The following MSI2 variants were observed in gnomAD, a reference collection of about 807,000 sequenced individuals.
MSI2 encodes the protein musashi RNA binding protein 2, also known as RNA-binding protein Musashi homolog 2.
In MSI2, 17 loss-of-function variants were observed where a neutral mutation model predicts 45.6. The observed-to-expected ratio is 0.37, with a 90% CI of 0.26 to 0.56. The LOEUF is 0.56. MSI2 is among the 20% of genes least tolerant of loss of function. The pLI, the probability that MSI2 is intolerant of heterozygous loss-of-function variation, is 0.77. For synonymous variants in MSI2, 156 were observed against 158.2 expected, an observed-to-expected ratio of 0.99 and a Z score of 0.11; for missense variants, 293 against 444.2, an observed-to-expected ratio of 0.66 and a Z score of 3.06.
intron 7 of MSI2, among the ~76,000 whole-genome samples, chr17:57,594,439 G>A (rs922793952): frequency 1.3e-5 from 2 of 152,190 alleles, no homozygotes; most frequent in Non-Finnish European, 2.9e-5. Context: ...CAGGATTCCT[G>A]AGACATACCC....
At chr17:57,396,831 C>T (rs895099863) in intron 5 of MSI2, among the ~76,000 whole-genome samples, 1 of 152,198 alleles carries the variant, frequency 6.6e-6, no homozygotes, top group African/African-American at 2.4e-5. Context: ...ACGGACACCT[C>T]CTGCTTCCCA....
intron 5 of MSI2, among the ~76,000 whole-genome samples, chr17:57,283,431 T>G (rs1156596230): frequency 6.6e-6 from 1 of 152,164 alleles, no homozygotes; most frequent in Non-Finnish European, 1.5e-5. Flanking sequence ...GGGGCTTGAT[T>G]TGTCTGTTAT....
intron 7 of MSI2, among the ~76,000 whole-genome samples, chr17:57,562,492 AAC>A (rs566728595): frequency 1.3e-3 from 200 of 152,370 alleles, no homozygotes; most frequent in Middle Eastern, 3.4e-3. Context: ...AGAGCTGCGT[AAC>A]ACAGCCCTTC....
chr17:57,382,291 A>G lies in MSI2; in HGVS notation c.313-19088A>G, dbSNP rs1006042578. On this transcript the variant is annotated intron_variant, in intron 5 of 13. Coordinates refer to ENST00000284073, the MANE Select transcript of MSI2 (RefSeq NM_138962.4). ...GAGAAATAAAACAAGCAAATTATAG[A>G]ATGTGCTAGAAGATGAGAGGCTGGG... is the stretch of plus-strand genomic sequence containing the variant. Among the ~76,000 whole-genome samples, 6 of 152,134 alleles carry G rather than the reference A, an allele frequency of 3.9e-5. No individual in the cohort carries two copies. The East Asian group carries it at 1.2e-3, about 29-fold the overall frequency.
At chr17:57,583,150 A>G (rs977883750) in intron 7 of MSI2, among the ~76,000 whole-genome samples, 27 of 152,126 alleles carry the variant, frequency 1.8e-4, no homozygotes, top group Non-Finnish European at 2.6e-4. Flanking sequence ...TATCATTAGT[A>G]TTATCTCCAA....
chr17:57,338,630 G>C (rs1914881794), intron 5 of MSI2, among the ~76,000 whole-genome samples: 1 of 152,158 alleles, frequency 6.6e-6, no homozygotes, highest in Non-Finnish European at 1.5e-5. Flanking sequence ...GGAGCGGGCT[G>C]GTGTTAATTC....
chr17:57,302,596 G>C (rs1297903878), intron 5 of MSI2, among the ~76,000 whole-genome samples: 1 of 152,208 alleles, frequency 6.6e-6, no homozygotes, highest in African/African-American at 2.4e-5. Context: ...GGTAGGACAT[G>C]TTCTCCCCAG....
At chr17:57,550,965 T>C (rs777098505) in intron 7 of MSI2, among the ~76,000 whole-genome samples, 17 of 152,200 alleles carry the variant, frequency 1.1e-4, no homozygotes, top group Non-Finnish European at 2.1e-4. Context: ...AGAGCAGAAA[T>C]TGATGGGGGG....
At chr17:57,375,516 A>T (rs1348344378) in intron 5 of MSI2, among the ~76,000 whole-genome samples, 2 of 152,226 alleles carry the variant, frequency 1.3e-5, no homozygotes, top group African/African-American at 4.8e-5. Flanking sequence ...GCCAGGCAGC[A>T]TGGAAGCCAT....
In MSI2 at chr17:57,450,271, GAAAGAAA is replaced by G. The variant is rs1778488417; in HGVS notation, c.405+48801_405+48807del. 5.4e-5 allele frequency: 5 copies of G among 92,316 alleles called. No homozygotes were observed. In the East Asian group the frequency reaches 1.3e-3, roughly 24 times the overall value. 5.7% of individuals were successfully genotyped at this position (92,316 alleles called of 1,614,324 possible). A position where few individuals can be genotyped will look rare whatever the true frequency, so the allele number is the denominator to read the frequency against. ...TCCCCAGCTTAAAGAAAGAAAGAAAGAAAGAAAGAAAGAAAGAAAGAAAGAAAGAAAG... is the reference window on the plus strand; with the variant it reads ...TCCCCAGCTTAAAGAAAGAAAGAAAGGAAAGAAAGAAAGAAAGAAAGAAAG... On this transcript the variant is annotated intron_variant, in intron 6 of 13. Transcript: ENST00000284073.
intron 10 of MSI2, among the ~76,000 whole-genome samples, chr17:57,636,791 C>A (rs1218093568): frequency 6.6e-6 from 1 of 152,214 alleles, no homozygotes; most frequent in African/African-American, 2.4e-5. Flanking sequence ...CTGCCTGGTG[C>A]AGTGCTTCTG....
At chr17:57,260,366 T>C (rs1410091523) in intron 4 of MSI2, among the ~76,000 whole-genome samples, 3 of 152,130 alleles carry the variant, frequency 2.0e-5, no homozygotes, top group African/African-American at 7.2e-5. Context: ...GTTTTGTGAT[T>C]TAAATTTTCT....
intron 6 of MSI2, among the ~76,000 whole-genome samples, chr17:57,430,390 A>G (rs2084572424): frequency 6.6e-6 from 1 of 152,048 alleles, no homozygotes; most frequent in African/African-American, 2.4e-5. Flanking sequence ...GTTGGTAATC[A>G]GTGTCCACAC....
At chr17:57,537,106 C>T (rs2086936851) in intron 7 of MSI2, among the ~76,000 whole-genome samples, 1 of 152,148 alleles carries the variant, frequency 6.6e-6, no homozygotes, top group Non-Finnish European at 1.5e-5. Context: ...TCTGTGTAGC[C>T]TCAATGTTGG....
chr17:57,439,385 G>A lies in MSI2; in HGVS notation c.405+37914G>A, dbSNP rs1185041626. Among the ~76,000 whole-genome samples the A allele has an allele frequency of 3.3e-5, 5 of 152,304 alleles. No individual in the cohort carries two copies. In the East Asian group the frequency reaches 9.6e-4, roughly 29 times the overall value. On this transcript the variant is annotated intron_variant, in intron 6 of 13. Transcript: ENST00000284073. The stretch of plus-strand genomic sequence containing the variant: ...TGATTTAGAGGACGAGGAGGACTCT[G>A]CAGAAAGCACTTCCTTGGCTGTTGG...
chr17:57,586,400 G>T (rs2088348945), intron 7 of MSI2, among the ~76,000 whole-genome samples: 1 of 151,896 alleles, frequency 6.6e-6, no homozygotes, highest in Non-Finnish European at 1.5e-5. Flanking sequence ...TCCCTCCTGG[G>T]TGGTTCTTTT....
chr17:57,652,089 T>A lies in MSI2; in HGVS notation c.728-10T>A, dbSNP rs767462151. Reference sequence around the variant, plus strand: ...CCTCCATGACTCAGGCTCCTCTCTCTCCTGACCAGGCTTCCCAGCAGCGGC... The same window carrying A: ...CCTCCATGACTCAGGCTCCTCTCTCACCTGACCAGGCTTCCCAGCAGCGGC... On this transcript the variant is annotated splice_polypyrimidine_tract_variant and intron_variant, in intron 10 of 13. Coordinates refer to ENST00000284073, the MANE Select transcript of MSI2 (RefSeq NM_138962.4). The surrounding 1 kb of genome is among the most constrained non-coding windows in gnomAD (Gnocchi z 4.1). 9.9e-6 allele frequency: 16 copies of A among 1,613,784 alleles called. No individual in the cohort carries two copies. The highest frequency in any genetic ancestry group is 1.7e-5 in the Admixed American group (1 of 59,998).
chr17:57,572,338 T>A (rs914934418), intron 7 of MSI2, among the ~76,000 whole-genome samples: 14 of 152,200 alleles, frequency 9.2e-5, no homozygotes, highest in African/African-American at 3.1e-4. Flanking sequence ...AGCAGCAACC[T>A]GGAAAAGAGT....
At chr17:57,645,896 C>G (rs1910618375) in intron 10 of MSI2, among the ~76,000 whole-genome samples, 1 of 152,194 alleles carries the variant, frequency 6.6e-6, no homozygotes, top group Admixed American at 6.5e-5. Flanking sequence ...CTCCCATTTG[C>G]CATAGCTGTG....
Sources: allele counts gnomAD v4.1 joint callset (sites outside exome capture counted in the v4.1 genomes callset), GRCh38; gene constraint gnomAD v4.1.1; non-coding constraint Gnocchi (gnomAD v3.1); transcripts MANE v1.5; gene names NCBI Gene and HGNC (gene_info 2026-07-23, HGNC 2026-07-21).